HTR4: variants seen among roughly 807,000 people sequenced by gnomAD.
HTR4 encodes the protein 5-hydroxytryptamine receptor 4, also known as 5-hydroxytryptamine (serotonin) receptor 4, G protein-coupled.
In HTR4, 16 loss-of-function variants were observed where a neutral mutation model predicts 36.8. The ratio of observed to expected loss-of-function variants is 0.43; its 90% CI spans 0.29 to 0.66. HTR4 has a LOEUF of 0.66. Among genes scored for constraint, HTR4 ranks in the 30% least tolerant of loss-of-function variants. The probability of loss-of-function intolerance (pLI) is 0.13; values close to 1 mark genes in which losing one functional copy is unlikely to be tolerated. For synonymous variants in HTR4, 189 were observed against 185.1 expected (o/e 1.02, Z -0.17); for missense variants, 438 against 490.9 (o/e 0.89, Z 1.02).
At chr5:148,596,622 C>T (rs751491245) in intron 2 of HTR4, among the ~76,000 whole-genome samples, 7 of 151,890 alleles carry the variant, frequency 4.6e-5, no homozygotes, top group Non-Finnish European at 1.5e-5. Flanking sequence ...ATCACCACCC[C>T]CTTCTGCTGC....
At chr5:148,605,376 A>C (rs550303474) in intron 2 of HTR4, among the ~76,000 whole-genome samples, 1 of 148,088 alleles carries the variant, frequency 6.8e-6, no homozygotes, top group Non-Finnish European at 1.5e-5. Context: ...CTCCTGCCTC[A>C]GTCTCCCAAG....
chr5:148,486,025 A>G (rs912301635), intron 6 of HTR4, among the ~76,000 whole-genome samples: 2 of 152,182 alleles, frequency 1.3e-5, no homozygotes, highest in African/African-American at 4.8e-5. Flanking sequence ...ATACTCTAGT[A>G]TTGCTATTTG....
intron 4 of HTR4, among the ~76,000 whole-genome samples, chr5:148,525,938 A>G (rs1253945956): frequency 6.6e-6 from 1 of 152,182 alleles, no homozygotes. Flanking sequence ...TGACACAGAA[A>G]CTGATATGCA....
chr5:148,483,285 A>G lies in HTR4; in HGVS notation c.1085T>C (p.Val362Ala), dbSNP rs1755978317. Reference sequence around the variant, plus strand: ...ACTCTCCCACTGGCCACCACACTCCACTGCATCCCTAGAGAGAGGAGAAGA... The same window carrying G: ...ACTCTCCCACTGGCCACCACACTCCGCTGCATCCCTAGAGAGAGGAGAAGA... ...NGSTHVLRDA[V>A]ECGGQWESQC... is the part of the protein sequence containing the mutation. The change falls in exon 7 of 7, where the codon GTG (valine) becomes GCG (alanine). Residue 362 changes from valine (V) to alanine (A), a missense_variant. By Grantham distance (64) the Val-to-Ala change is moderately conservative. Coordinates refer to ENST00000377888, the MANE Select transcript of HTR4 (RefSeq NM_000870.7). The G allele has an allele frequency of 2.5e-6, 4 of 1,613,070 alleles. No individual in the cohort carries two copies. The highest frequency in any genetic ancestry group is 3.4e-6 in the Non-Finnish European group (4 of 1,179,480).
intron 2 of HTR4, among the ~76,000 whole-genome samples, chr5:148,555,946 TCACACACACA>T (rs60289333): frequency 6.7e-6 from 1 of 149,734 alleles, no homozygotes; most frequent in Non-Finnish European, 1.5e-5. Flanking sequence ...TTATACTTTG[TCACACACACA>T]CACACACACA....
At chr5:148,451,745 G>C (rs1237483852) in intron 5 of HTR4, among the ~76,000 whole-genome samples, 2 of 152,106 alleles carry the variant, frequency 1.3e-5, no homozygotes, top group Non-Finnish European at 2.9e-5. Context: ...CATTCCTTTT[G>C]GTGCCATTTG....
intron 2 of HTR4, among the ~76,000 whole-genome samples, chr5:148,564,362 A>T (rs1760345750): frequency 6.6e-6 from 1 of 152,164 alleles, no homozygotes; most frequent in Non-Finnish European, 1.5e-5. Flanking sequence ...ATATGCTTCC[A>T]TTGTACCCTA....
chr5:148,582,710 G>A (rs59688904), intron 2 of HTR4, among the ~76,000 whole-genome samples: 5,320 of 152,114 alleles, frequency 0.035, 326 homozygotes, highest in African/African-American at 0.12. Flanking sequence ...ATTGTGAATG[G>A]GAGTTCACTC....
intron 2 of HTR4, among the ~76,000 whole-genome samples, chr5:148,619,329 A>C (rs1477808113): frequency 6.6e-6 from 1 of 152,182 alleles, no homozygotes; most frequent in Non-Finnish European, 1.5e-5. Flanking sequence ...TGATGCTTGC[A>C]AGAAAAAAAT....
At chr5:148,631,777 A>C (rs1229427772) in intron 2 of HTR4, among the ~76,000 whole-genome samples, 1 of 152,186 alleles carries the variant, frequency 6.6e-6, no homozygotes, top group Non-Finnish European at 1.5e-5. Flanking sequence ...ACTTGGTGTC[A>C]TGACAGAATT....
At chr5:148,488,885 C>T (rs779910462) in intron 6 of HTR4, among the ~76,000 whole-genome samples, 29 of 152,166 alleles carry the variant, frequency 1.9e-4, no homozygotes, top group Non-Finnish European at 3.8e-4. Flanking sequence ...CACCAAAGTG[C>T]GAGATCAAAT....
chr5:148,598,252 C>T (rs149759415), intron 2 of HTR4, among the ~76,000 whole-genome samples: 341 of 152,000 alleles, frequency 2.2e-3, no homozygotes, highest in African/African-American at 7.6e-3. Context: ...GCTCAGAAGG[C>T]CAGTAGTTGA....
intron 2 of HTR4, among the ~76,000 whole-genome samples, chr5:148,555,946 T>TCACACA (rs60289333): frequency 0.16 from 24,031 of 149,700 alleles, 2,553 homozygotes; most frequent in African/African-American, 0.3. Context: ...TTATACTTTG[T>TCACACA]CACACACACA....
downstream of HTR4, among the ~76,000 whole-genome samples, chr5:148,479,597 A>T (rs932829449): frequency 2.6e-5 from 4 of 152,222 alleles, no homozygotes; most frequent in Admixed American, 6.5e-5. Flanking sequence ...AACTGCATCA[A>T]AAAGTAGATG....
chr5:148,573,752 C>T (rs957857185), intron 2 of HTR4, among the ~76,000 whole-genome samples: 1 of 151,940 alleles, frequency 6.6e-6, no homozygotes, highest in Admixed American at 6.6e-5. Context: ...GCCCTAATCA[C>T]CAGAGCTGCC....
intron 5 of HTR4, among the ~76,000 whole-genome samples, chr5:148,514,557 C>T (rs528382332): frequency 3.3e-5 from 5 of 152,246 alleles, no homozygotes; most frequent in Non-Finnish European, 7.4e-5. Flanking sequence ...TAGCTCTTGA[C>T]TGAAGAGAAC....
At chr5:148,462,852 A>G (rs1448769355) in intron 5 of HTR4, among the ~76,000 whole-genome samples, 4 of 152,206 alleles carry the variant, frequency 2.6e-5, no homozygotes, top group African/African-American at 7.2e-5. Context: ...GGGCAAATAC[A>G]ACTTTTGAAA....
At chr5:148,600,807 C>A (rs1025508746) in intron 2 of HTR4, among the ~76,000 whole-genome samples, 6 of 150,656 alleles carry the variant, frequency 4.0e-5, no homozygotes, top group African/African-American at 1.5e-4. Flanking sequence ...GCGACAAAAG[C>A]AAAAATGAAC....
intron 4 of HTR4, among the ~76,000 whole-genome samples, chr5:148,547,536 T>TA (rs1011869726): frequency 9.6e-6 from 1 of 104,662 alleles, no homozygotes; most frequent in Admixed American, 9.9e-5. Context: ...AAAAATAAAA[T>TA]AAAATAAAAT....
Sources: gnomAD v4.1 joint callset for allele counts (sites outside exome capture counted in the v4.1 genomes callset) on GRCh38, gnomAD v4.1.1 for gene constraint, MANE v1.5 for transcripts, NCBI Gene and HGNC (gene_info 2026-07-23, HGNC 2026-07-21) for gene names.